FGF1: variants seen among roughly 807,000 people sequenced by gnomAD.
FGF1 encodes the protein fibroblast growth factor 1.
FGF1 carries 9 observed loss-of-function variants against 13.4 expected under a neutral mutation model. The observed-to-expected ratio is 0.67, with a 90% confidence interval of 0.40 to 1.17. The LOEUF (loss-of-function observed/expected upper bound fraction) is 1.17. Among genes scored for constraint, FGF1 ranks in the 50% most tolerant of loss-of-function variants. The probability of loss-of-function intolerance (pLI) is 0.01; values close to 1 mark genes in which losing one functional copy is unlikely to be tolerated. For missense variants in FGF1, 156 were observed against 192.7 expected (o/e 0.81, Z 1.13); for synonymous variants, 93 against 79.0 (o/e 1.18, Z -0.94).
intron 1 of FGF1, among the ~76,000 whole-genome samples, chr5:142,666,540 C>T (rs937376938): frequency 7.3e-6 from 1 of 136,932 alleles, no homozygotes; most frequent in Non-Finnish European, 1.5e-5. Flanking sequence ...GACATGTTCC[C>T]CACAAAAAAA....
chr5:142,641,689 T>C (rs1765225045), intron 1 of FGF1, among the ~76,000 whole-genome samples: 1 of 152,092 alleles, frequency 6.6e-6, no homozygotes, highest in African/African-American at 2.4e-5. Context: ...CACCACCGTA[T>C]AAACAGTGTT....
chr5:142,608,618 A>G (rs1197929986), intron 2 of FGF1, among the ~76,000 whole-genome samples: 1 of 120,522 alleles, frequency 8.3e-6, no homozygotes, highest in African/African-American at 3.8e-5. Context: ...ATATATATGA[A>G]AAAAAAAACC....
chr5:142,634,214 C>A lies in FGF1; in HGVS notation c.-34-20053G>T, dbSNP rs966000508. On this transcript the variant is annotated intron_variant, in intron 1 of 3. Transcript: ENST00000337706. ...TCTCAAGAAAAAAAAAAAAAAAAAA[C>A]TCCCTCTAGTGAAATCACCTCTCTA... Among the ~76,000 whole-genome samples, 350 of 145,326 alleles carry A rather than the reference C, an allele frequency of 2.4e-3. 10 individuals are homozygous for A. Among genetic ancestry groups the A allele is most frequent in the Non-Finnish European group, 7.7e-4 (51 of 66,054 alleles).
chr5:142,629,893 A>ATTTTTT (rs1229121020), intron 1 of FGF1, among the ~76,000 whole-genome samples: 1 of 120,088 alleles, frequency 8.3e-6, no homozygotes, highest in Non-Finnish European at 1.7e-5. Flanking sequence ...ATATATATAT[A>ATTTTTT]TATTTTTTTT....
intron 1 of FGF1, among the ~76,000 whole-genome samples, chr5:142,649,563 C>T (rs549218612): frequency 4.6e-5 from 7 of 152,234 alleles, no homozygotes; most frequent in South Asian, 2.1e-4. Context: ...CCTGCCACCA[C>T]GCCCGGCTAA....
chr5:142,613,974 T>C lies in FGF1; in HGVS notation c.154A>G (p.Arg52Gly). ...ATGGGCTTACTGTGCTGGTCGCTCC[T>C]GTCCCTTGTCCCATCCACTGTGCCA... ...PDGTVDGTRD[R>G]SDQHIQLQLS... The change falls in exon 2 of 4, where the codon AGG becomes GGG. Residue 52 changes from arginine (R) to glycine (G), a missense_variant. By Grantham distance (125) the Arg-to-Gly change is moderately radical (BLOSUM62 -2). Transcript: ENST00000337706. The C allele has an allele frequency of 1.2e-6, 2 of 1,614,058 alleles. No homozygotes were observed. The highest frequency in any genetic ancestry group is 8.5e-7 in the Non-Finnish European group (1 of 1,180,016).
At chr5:142,609,145 A>C (rs1758499096) in intron 2 of FGF1, among the ~76,000 whole-genome samples, 1 of 152,210 alleles carries the variant, frequency 6.6e-6, no homozygotes, top group South Asian at 2.1e-4. Context: ...ATGAAGAGGA[A>C]TCTGCCCTTT....
chr5:142,617,609 T>A (rs1760531120), intron 1 of FGF1, among the ~76,000 whole-genome samples: 1 of 152,142 alleles, frequency 6.6e-6, no homozygotes, highest in Non-Finnish European at 1.5e-5. Flanking sequence ...TGATGTCAGA[T>A]GGCTCCCCAA....
At chr5:142,637,821 A>T (rs1006395697) in intron 1 of FGF1, among the ~76,000 whole-genome samples, 1 of 152,012 alleles carries the variant, frequency 6.6e-6, no homozygotes, top group African/African-American at 2.4e-5. Context: ...ACTGTAGTTT[A>T]TAACATCTAC....
intron 1 of FGF1, among the ~76,000 whole-genome samples, chr5:142,632,836 G>A (rs1048146221): frequency 1.3e-5 from 2 of 151,938 alleles, no homozygotes; most frequent in Non-Finnish European, 2.9e-5. Context: ...GGTTGTAATG[G>A]TTGTAATGGT....
intron 1 of FGF1, among the ~76,000 whole-genome samples, chr5:142,656,108 T>G (rs1245869412): frequency 6.6e-6 from 1 of 152,202 alleles, no homozygotes; most frequent in Non-Finnish European, 1.5e-5. Context: ...TGGACTTAAG[T>G]CTTTGATCTC....
chr5:142,643,779 A>G (rs865796488), intron 1 of FGF1, among the ~76,000 whole-genome samples: 11 of 152,310 alleles, frequency 7.2e-5, no homozygotes, highest in Middle Eastern at 3.4e-3. Context: ...ACAGATCTAC[A>G]TTTGCATACC....
intron 1 of FGF1, among the ~76,000 whole-genome samples, chr5:142,633,452 A>G (rs529029423): frequency 6.6e-6 from 1 of 152,312 alleles, no homozygotes; most frequent in African/African-American, 2.4e-5. Flanking sequence ...AATTAATGTG[A>G]AAGTTTTAGA....
chr5:142,664,074 T>C, intron 1 of FGF1, among the ~76,000 whole-genome samples: 1 of 152,132 alleles, frequency 6.6e-6, no homozygotes, highest in East Asian at 1.9e-4. Flanking sequence ...TCACCTGGCC[T>C]CACAACCAGC....
At chr5:142,616,651 T>C (rs1760307439) in intron 1 of FGF1, among the ~76,000 whole-genome samples, 1 of 152,130 alleles carries the variant, frequency 6.6e-6, no homozygotes, top group African/African-American at 2.4e-5. Context: ...TCTCTGTCCC[T>C]CTGTCTCTTC....
chr5:142,693,674 A>G (rs893288459), intron 2 of FGF1, among the ~76,000 whole-genome samples: 2 of 152,202 alleles, frequency 1.3e-5, no homozygotes, highest in Admixed American at 1.3e-4. Flanking sequence ...CATATCCATT[A>G]GCAGTTCATT....
intron 2 of FGF1, among the ~76,000 whole-genome samples, chr5:142,608,933 C>T (rs1758443340): frequency 6.6e-6 from 1 of 151,904 alleles, no homozygotes; most frequent in Non-Finnish European, 1.5e-5. Context: ...TCGCGGAGTA[C>T]ATTCCTGCCT....
intron 1 of FGF1, among the ~76,000 whole-genome samples, chr5:142,658,315 A>G (rs1768539320): frequency 6.6e-6 from 1 of 152,190 alleles, no homozygotes. Flanking sequence ...TTCTCTCTGT[A>G]GCTTATTCCC....
intron 1 of FGF1, among the ~76,000 whole-genome samples, chr5:142,621,739 A>C: frequency 6.7e-6 from 1 of 150,086 alleles, no homozygotes; most frequent in African/African-American, 2.5e-5. Flanking sequence ...TTCAGCCCTT[A>C]CTCCCCCTCT....
Sources: gnomAD v4.1 joint callset for allele counts (sites outside exome capture counted in the v4.1 genomes callset) on GRCh38, gnomAD v4.1.1 for gene constraint, MANE v1.5 for transcripts, NCBI Gene and HGNC (gene_info 2026-07-23, HGNC 2026-07-21) for gene names.